Variants in UGT1A8 observed in about 807,000 individuals in gnomAD.
UGT1A8 encodes UDP glucuronosyltransferase family 1 member A8, also known as UDP-glucuronosyltransferase 1A8.
A neutral mutation model predicts 45.3 loss-of-function variants in UGT1A8; 39 were observed. The ratio of observed to expected loss-of-function variants is 0.86; its 90% CI spans 0.67 to 1.12. The LOEUF (loss-of-function observed/expected upper bound fraction) is 1.12. Among genes scored for constraint, UGT1A8 ranks in the 50% most tolerant of loss-of-function variants. The pLI is 0.00. For synonymous variants in UGT1A8, 275 were observed against 249.2 expected, an observed-to-expected ratio of 1.10 and a Z score of -0.97; for missense variants, 719 against 664.9, an observed-to-expected ratio of 1.08 and a Z score of -0.90.
At chr2:233,637,343 G>T (rs186169024) in intron 1 of UGT1A8, 3 of 1,613,708 alleles carry the variant, frequency 1.9e-6, no homozygotes, top group Non-Finnish European at 1.7e-6. Context: ...TTCATTGGTG[G>T]TATCAACTGT....
chr2:233,691,608 G>C (rs2075049799), intron 1 of UGT1A8: 1 of 985,544 alleles, frequency 1.0e-6, no homozygotes, highest in East Asian at 1.1e-4. Flanking sequence ...TCTTGCTCTG[G>C]GACCGCCCTC....
In UGT1A8 at chr2:233,772,298, C is replaced by G; in HGVS notation, c.1332C>G (p.His444Gln). ...KENIMRLSSL[H>Q]KDRPVEPLDL... ...ACATCATGCGCCTCTCCAGCCTTCACAAGGACCGCCCGGTGGAGCCGCTGG... is the reference window on the plus strand; with the variant it reads ...ACATCATGCGCCTCTCCAGCCTTCAGAAGGACCGCCCGGTGGAGCCGCTGG... The change falls in exon 5 of 5, where the codon CAC becomes CAG. Residue 444 changes from histidine (H) to glutamine (Q), a missense_variant. By Grantham distance (24) the His-to-Gln change is conservative. Coordinates refer to ENST00000373450, the MANE Select transcript of UGT1A8 (RefSeq NM_019076.5). The G allele has an allele frequency of 1.9e-6, 3 of 1,614,234 alleles. No homozygotes were observed. The highest frequency in any genetic ancestry group is 8.5e-7 in the Non-Finnish European group (1 of 1,180,048).
chr2:233,646,459 T>C (rs570230502), intron 1 of UGT1A8, among the ~76,000 whole-genome samples: 2 of 152,362 alleles, frequency 1.3e-5, no homozygotes, highest in African/African-American at 4.8e-5. Flanking sequence ...CAAACCTTTA[T>C]GCTCTGTTTC....
At chr2:233,702,414 A>AG (rs751016813) in intron 1 of UGT1A8, among the ~76,000 whole-genome samples, 11 of 152,192 alleles carry the variant, frequency 7.2e-5, no homozygotes, top group Non-Finnish European at 1.2e-4. Flanking sequence ...AAATAGAGAT[A>AG]GCGTTACTTC....
intron 1 of UGT1A8, chr2:233,690,985 T>A: frequency 2.0e-6 from 2 of 995,592 alleles, no homozygotes; most frequent in Non-Finnish European, 2.4e-6. Flanking sequence ...GACCCACATA[T>A]GAGCAACAGG....
At chr2:233,764,170 A>C (rs1698494492) in intron 1 of UGT1A8, among the ~76,000 whole-genome samples, 1 of 152,226 alleles carries the variant, frequency 6.6e-6, no homozygotes, top group Non-Finnish European at 1.5e-5. Flanking sequence ...TCATCAGAAC[A>C]GGGAAATTCT....
In UGT1A8 at chr2:233,648,116, C is replaced by G. The variant is rs2073647782; in HGVS notation, c.855+29554C>G. On this transcript the variant is annotated intron_variant, in intron 1 of 4. Transcript: ENST00000373450. Reference sequence around the variant, plus strand: ...CTGGACCAGGAGTTCATGGCTTTTGCCAATGCTCAATGGGAAGCAGAAGTA... The same window carrying G: ...CTGGACCAGGAGTTCATGGCTTTTGGCAATGCTCAATGGGAAGCAGAAGTA... 2.1e-6 allele frequency: 3 copies of G among 1,420,290 alleles called. No homozygotes were observed. The South Asian group carries it at 4.7e-5, about 22-fold the overall frequency. 88.0% of individuals were successfully genotyped at this position (1,420,290 alleles called of 1,614,324 possible). A position where few individuals can be genotyped will look rare whatever the true frequency, so the allele number is the denominator to read the frequency against.
chr2:233,726,396 T>C (rs1359821142), intron 1 of UGT1A8, among the ~76,000 whole-genome samples: 1 of 152,226 alleles, frequency 6.6e-6, no homozygotes, highest in Admixed American at 6.5e-5. Context: ...TCTCATAGTC[T>C]TTTGATGTCA....
chr2:233,682,641 T>C (rs779606740), intron 1 of UGT1A8: 1 of 1,613,940 alleles, frequency 6.2e-7, no homozygotes, highest in South Asian at 1.1e-5. Flanking sequence ...TCTGAAATTC[T>C]CCAAACCCCT....
chr2:233,690,794 C>A, intron 1 of UGT1A8: 1 of 1,143,932 alleles, frequency 8.7e-7, no homozygotes, highest in Non-Finnish European at 1.1e-6. Flanking sequence ...CACACACACA[C>A]ACACACCATT....
chr2:233,700,898 G>C (rs534436227), intron 1 of UGT1A8, among the ~76,000 whole-genome samples: 31 of 151,956 alleles, frequency 2.0e-4, no homozygotes, highest in Middle Eastern at 3.4e-3. Context: ...ACAGTCCCCG[G>C]TGTGTGACGT....
At chr2:233,630,392 C>T (rs961279327) in intron 1 of UGT1A8, among the ~76,000 whole-genome samples, 2 of 152,160 alleles carry the variant, frequency 1.3e-5, no homozygotes, top group African/African-American at 4.8e-5. Flanking sequence ...GCCTGACACA[C>T]ACTGCTTAGC....
At chr2:233,653,629 C>T (rs764176429) in intron 1 of UGT1A8, among the ~76,000 whole-genome samples, 6 of 152,206 alleles carry the variant, frequency 3.9e-5, no homozygotes, top group Non-Finnish European at 8.8e-5. Context: ...CAGAGTCTCG[C>T]TGTGTTGCCT....
intron 2 of UGT1A8, 29 bp downstream of exon 2, chr2:233,767,194 A>C (rs746011204): frequency 1.9e-6 from 3 of 1,613,774 alleles, no homozygotes; most frequent in Non-Finnish European, 2.5e-6. Flanking sequence ...ATGGCCTCAT[A>C]TCTATTTTCA....
intron 1 of UGT1A8, chr2:233,708,819 G>A (rs2076042400): frequency 6.7e-6 from 1 of 148,988 alleles, no homozygotes; most frequent in Non-Finnish European, 1.5e-5. Flanking sequence ...CCAAATTCTT[G>A]ACTCAGTGAA....
At chr2:233,757,911 T>G (rs1423273798) in intron 1 of UGT1A8, among the ~76,000 whole-genome samples, 6 of 152,118 alleles carry the variant, frequency 3.9e-5, no homozygotes, top group Non-Finnish European at 8.8e-5. Flanking sequence ...GACGTGTCAC[T>G]CTTTAGCAGC....
chr2:233,618,201 C>T lies in UGT1A8; in HGVS notation c.494C>T (p.Ser165Phe). 1 of 1,614,056 alleles carries T rather than the reference C, an allele frequency of 6.2e-7. No homozygotes were observed. The highest frequency in any genetic ancestry group is 8.5e-7 in the Non-Finnish European group (1 of 1,179,966). ...LIVAKYFSLP[S>F]VVFARGIACH... ...GTTGCCAAATATTTCTCCCTCCCCT[C>T]TGTGGTCTTCGCCAGGGGAATAGCT... is the stretch of plus-strand genomic sequence containing the variant. The change falls in exon 1 of 5, where the codon TCT (serine) becomes TTT (phenylalanine). Residue 165 changes from serine to phenylalanine, a missense_variant. Physicochemically the swap from Ser to Phe is radical, Grantham distance 155 (BLOSUM62 -2). Coordinates refer to ENST00000373450, the MANE Select transcript of UGT1A8 (RefSeq NM_019076.5).
chr2:233,701,392 G>A (rs2075625527), intron 1 of UGT1A8, among the ~76,000 whole-genome samples: 1 of 151,982 alleles, frequency 6.6e-6, no homozygotes, highest in South Asian at 2.1e-4. Flanking sequence ...CACAATAATA[G>A]TGGGAGACTT....
intron 1 of UGT1A8, chr2:233,743,973 G>C (rs1575662575): frequency 7.6e-7 from 1 of 1,312,160 alleles, no homozygotes; most frequent in East Asian, 4.7e-5. Flanking sequence ...AAGGCTGCCA[G>C]CACCCAGGCG....
Sources: allele counts gnomAD v4.1 joint callset (sites outside exome capture counted in the v4.1 genomes callset), GRCh38; gene constraint gnomAD v4.1.1; transcripts MANE v1.5; gene names NCBI Gene and HGNC (gene_info 2026-07-23, HGNC 2026-07-21).